The following PSD3 variants were observed in gnomAD, a reference collection of about 807,000 sequenced individuals.
The protein encoded by PSD3 is pleckstrin and Sec7 domain containing 3, also known as PH and SEC7 domain-containing protein 3.
Under a neutral mutation model 105.5 loss-of-function variants are expected in PSD3, and 49 were observed. The ratio of observed to expected loss-of-function variants is 0.46; its 90% CI spans 0.37 to 0.59. The LOEUF is 0.59. Ranked by LOEUF, PSD3 falls within the 20% of genes least tolerant of loss-of-function variation. The probability of loss-of-function intolerance (pLI) is 0.00; values close to 1 mark genes in which losing one functional copy is unlikely to be tolerated. For synonymous variants in PSD3, 557 were observed against 457.8 expected, an observed-to-expected ratio of 1.22 and a Z score of -2.77; for missense variants, 1,561 against 1,263.8, an observed-to-expected ratio of 1.24 and a Z score of -3.57.
At chr8:18,688,771 C>T (rs1800802663) in intron 9 of PSD3, among the ~76,000 whole-genome samples, 1 of 152,166 alleles carries the variant, frequency 6.6e-6, no homozygotes, top group African/African-American at 2.4e-5. Context: ...TGACCCTGTC[C>T]TGCCCCATCT....
At chr8:18,923,873 A>G (rs1384793450) in intron 2 of PSD3, among the ~76,000 whole-genome samples, 1 of 151,370 alleles carries the variant, frequency 6.6e-6, no homozygotes, top group Non-Finnish European at 1.5e-5. Context: ...CAGCTTTTCA[A>G]CAGCTACTTT....
At chr8:18,539,305 GA>G (rs564741049) in intron 15 of PSD3, among the ~76,000 whole-genome samples, 69 of 152,288 alleles carry the variant, frequency 4.5e-4, no homozygotes, top group African/African-American at 1.5e-3. Flanking sequence ...GCAAGGGCAA[GA>G]AACATAACTG....
Position 18,872,511 on chromosome 8 carries a change from G to A in PSD3, c.353C>T (p.Pro118Leu). The A allele has an allele frequency of 6.2e-7, 1 of 1,614,064 alleles. No individual in the cohort carries two copies. ...TTGTTCCTTGAGATGACTTTGAGAG[G>A]GGGCCTCTCTGACATCTTTTGGTCC... is the stretch of plus-strand genomic sequence containing the variant. ...TEGPKDVREA[P>L]SQSHLKEQSL... The change falls in exon 3 of 16, where the codon CCC (proline) becomes CTC (leucine). Residue 118 changes from proline (P) to leucine (L), a missense_variant. Coordinates refer to ENST00000327040, the MANE Select transcript of PSD3 (RefSeq NM_015310.4).
intron 10 of PSD3, among the ~76,000 whole-genome samples, chr8:18,646,851 G>C (rs558536533): frequency 6.6e-6 from 1 of 152,168 alleles, no homozygotes; most frequent in South Asian, 2.1e-4. Context: ...GAAAGTAAAA[G>C]AGCCCTAGAA....
chr8:18,632,485 C>A, intron 11 of PSD3, 128 bp downstream of exon 11: 1 of 1,001,592 alleles, frequency 1.0e-6, no homozygotes, highest in South Asian at 1.7e-5. Flanking sequence ...GAGGCTTTAT[C>A]CAATTTCAAG....
intron 9 of PSD3, among the ~76,000 whole-genome samples, chr8:18,759,092 A>ACACACACACACACACACTCT (rs756248977): frequency 1.0e-4 from 15 of 143,858 alleles, no homozygotes; most frequent in Non-Finnish European, 1.9e-4. Context: ...ACACACACAC[A>ACACACACACACACACACTCT]CTCTCTCTCT....
rs758306027 is a variant in PSD3 at position 18,535,812 on chromosome 8, G to C, written c.3075C>G (p.Val1025=). The change falls in exon 16 of 16, where the codon GTC becomes GTG. Residue 1025 remains valine, a synonymous_variant. Coordinates refer to ENST00000327040, the MANE Select transcript of PSD3 (RefSeq NM_015310.4). ...CCTTCCTCTCTGACACGTTACGCTT[G>C]ACTTTGGCAGTGATTGGAGAAGTAT... is the stretch of plus-strand genomic sequence containing the variant. ...NPDTSPITAK[V]KRNVSERKDH... is the part of the protein sequence containing the mutation. 4 of 1,614,072 alleles carry C rather than the reference G, an allele frequency of 2.5e-6. No individual in the cohort carries two copies. In the Admixed American group the frequency reaches 5.0e-5, roughly 20 times the overall value.
At chr8:18,672,973 TA>T (rs1471793116) in intron 9 of PSD3, among the ~76,000 whole-genome samples, 2 of 151,980 alleles carry the variant, frequency 1.3e-5, no homozygotes, top group Non-Finnish European at 2.9e-5. Flanking sequence ...TCTGATTCAT[TA>T]AAAAAAATTT....
At chr8:18,744,351 C>A (rs1804814150) in intron 9 of PSD3, among the ~76,000 whole-genome samples, 1 of 152,142 alleles carries the variant, frequency 6.6e-6, no homozygotes, top group African/African-American at 2.4e-5. Context: ...AGAATCCAGG[C>A]AGCATGAATA....
chr8:18,907,835 C>T (rs964572630), intron 2 of PSD3, among the ~76,000 whole-genome samples: 6 of 152,132 alleles, frequency 3.9e-5, no homozygotes, highest in Admixed American at 6.6e-5. Context: ...ACATAGTTGC[C>T]GCATTTCAAT....
At chr8:18,649,001 C>T (rs1027257356) in intron 10 of PSD3, among the ~76,000 whole-genome samples, 2 of 152,262 alleles carry the variant, frequency 1.3e-5, no homozygotes, top group African/African-American at 4.8e-5. Context: ...GATATCCAGG[C>T]AGACATCTGC....
chr8:18,938,537 C>T (rs1169934126), intron 1 of PSD3, among the ~76,000 whole-genome samples: 2 of 150,420 alleles, frequency 1.3e-5, no homozygotes, highest in Admixed American at 6.7e-5. Context: ...GCAGGAGAAT[C>T]GCTTGAACCT....
intron 10 of PSD3, among the ~76,000 whole-genome samples, chr8:18,648,729 C>CTG (rs749904924): frequency 6.6e-6 from 1 of 152,204 alleles, no homozygotes; most frequent in Non-Finnish European, 1.5e-5. Flanking sequence ...TATCACAGGC[C>CTG]TGGAGGCTTA....
At chr8:19,056,613 T>G (rs1218159398) in intron 1 of PSD3, among the ~76,000 whole-genome samples, 1 of 152,236 alleles carries the variant, frequency 6.6e-6, no homozygotes, top group African/African-American at 2.4e-5. Context: ...ATATTATGTC[T>G]GTGCACATTT....
intron 15 of PSD3, among the ~76,000 whole-genome samples, chr8:18,542,034 C>T (rs1226283862): frequency 1.3e-5 from 2 of 151,994 alleles, no homozygotes; most frequent in African/African-American, 2.4e-5. Flanking sequence ...ATTACAGGGG[C>T]GAGCCACCTC....
intron 9 of PSD3, among the ~76,000 whole-genome samples, chr8:18,747,930 C>G (rs1389074867): frequency 6.6e-6 from 1 of 151,980 alleles, no homozygotes; most frequent in African/African-American, 2.4e-5. Flanking sequence ...GGAAGGAAAA[C>G]AAACTCTGGC....
chr8:18,768,152 G>A (rs959044595), intron 8 of PSD3, among the ~76,000 whole-genome samples: 1 of 149,286 alleles, frequency 6.7e-6, no homozygotes, highest in African/African-American at 2.4e-5. Context: ...CGGATGTCAT[G>A]GCGGGCGCCT....
intron 9 of PSD3, among the ~76,000 whole-genome samples, chr8:18,689,947 T>C (rs952133501): frequency 2.6e-5 from 4 of 152,214 alleles, no homozygotes; most frequent in Admixed American, 2.6e-4. Flanking sequence ...AACTATGAAG[T>C]GACCAAACTG....
At chr8:18,636,343 G>A (rs571618756) in intron 10 of PSD3, among the ~76,000 whole-genome samples, 1 of 152,208 alleles carries the variant, frequency 6.6e-6, no homozygotes, top group South Asian at 2.1e-4. Context: ...TATAAAATAA[G>A]GATATAATGT....
Sources: allele counts gnomAD v4.1 joint callset (sites outside exome capture counted in the v4.1 genomes callset), GRCh38; gene constraint gnomAD v4.1.1; transcripts MANE v1.5; gene names NCBI Gene and HGNC (gene_info 2026-07-23, HGNC 2026-07-21).